Variants in VAV3 observed in about 807,000 individuals in gnomAD.
VAV3 encodes guanine nucleotide exchange factor VAV3.
VAV3 carries 94 observed loss-of-function variants against 131.2 expected under a neutral mutation model. That is an observed-to-expected ratio of 0.72 (90% confidence interval 0.61 to 0.85). VAV3 has a LOEUF of 0.85. VAV3 is among the 40% of genes least tolerant of loss of function. The pLI is 0.00. For synonymous variants in VAV3, 349 were observed against 342.0 expected, an observed-to-expected ratio of 1.02 and a Z score of -0.22; for missense variants, 939 against 1,002.7, an observed-to-expected ratio of 0.94 and a Z score of 0.86.
rs114339232 is a variant in VAV3, at chr1:107,610,118, T to C, written c.1981-153A>G. Among the ~76,000 whole-genome samples the C allele has an allele frequency of 5.0e-3, 758 of 152,308 alleles. 5 individuals carry two copies. The highest frequency in any genetic ancestry group is 0.018 in the African/African-American group (733 of 41,574). ...TGGTAATTTTATACAGAGTGAATCA[T>C]AGTATCTGTCAGATAAGTAGAAAAT... On this transcript the variant is annotated intron_variant, in intron 21 of 26. Transcript: ENST00000370056.
At chr1:107,736,004 C>A (rs1662601279) in intron 15 of VAV3, among the ~76,000 whole-genome samples, 1 of 152,156 alleles carries the variant, frequency 6.6e-6, no homozygotes, top group Non-Finnish European at 1.5e-5. Context: ...AAAAGCTTAT[C>A]CACCAAGATC....
intron 1 of VAV3, among the ~76,000 whole-genome samples, chr1:107,890,938 T>C (rs1171534322): frequency 6.6e-6 from 1 of 152,232 alleles, no homozygotes; most frequent in Non-Finnish European, 1.5e-5. Flanking sequence ...TTTACTCCTA[T>C]AAGGCAGATG....
intron 15 of VAV3, among the ~76,000 whole-genome samples, chr1:107,731,862 T>C (rs902945905): frequency 2.6e-5 from 4 of 152,232 alleles, no homozygotes; most frequent in African/African-American, 7.2e-5. Context: ...TTGACCATTA[T>C]GAAAAGGTAT....
At chr1:107,619,379 T>C (rs1653403012) in intron 20 of VAV3, among the ~76,000 whole-genome samples, 2 of 152,304 alleles carry the variant, frequency 1.3e-5, no homozygotes, top group Non-Finnish European at 2.9e-5. Context: ...TTGGGTGAAC[T>C]GTTTGTTTCA....
chr1:107,789,717 GCC>G (rs1246160819), intron 2 of VAV3, among the ~76,000 whole-genome samples: 12 of 152,160 alleles, frequency 7.9e-5, no homozygotes, highest in Admixed American at 2.6e-4. Flanking sequence ...TATTTTAAAA[GCC>G]ATGTTAGAAA....
intron 1 of VAV3, among the ~76,000 whole-genome samples, chr1:107,962,344 G>A (rs777293995): frequency 6.6e-6 from 1 of 152,164 alleles, no homozygotes; most frequent in South Asian, 2.1e-4. Context: ...AAAATGTCTA[G>A]GGTTATCAGC....
At chr1:107,668,705 G>C in intron 19 of VAV3, 1 of 985,438 alleles carries the variant, frequency 1.0e-6, no homozygotes, top group Non-Finnish European at 1.2e-6. Context: ...GGACAGTCTA[G>C]AGAGGAGGAA....
At chr1:107,952,443 T>A (rs1428210330) in intron 1 of VAV3, among the ~76,000 whole-genome samples, 1 of 140,722 alleles carries the variant, frequency 7.1e-6, no homozygotes, top group South Asian at 2.3e-4. Context: ...AACCTGCACA[T>A]GTGCCCCGAA....
chr1:107,751,869 C>T (rs1170920443), intron 12 of VAV3, among the ~76,000 whole-genome samples: 3 of 152,158 alleles, frequency 2.0e-5, no homozygotes. Context: ...CTGAAAATCA[C>T]TAACGTTCAG....
chr1:107,885,406 C>T (rs143985981), intron 1 of VAV3, among the ~76,000 whole-genome samples: 19 of 151,472 alleles, frequency 1.3e-4, no homozygotes, highest in African/African-American at 4.4e-4. Flanking sequence ...CTCACCACAA[C>T]TTATTTTAAA....
intron 20 of VAV3, among the ~76,000 whole-genome samples, chr1:107,636,931 G>A (rs1296575906): frequency 6.6e-6 from 1 of 151,974 alleles, no homozygotes; most frequent in African/African-American, 2.4e-5. Flanking sequence ...CTACCTTAAC[G>A]AACTAGCAAA....
At chr1:107,824,712 A>G (rs779416698) in intron 2 of VAV3, among the ~76,000 whole-genome samples, 1 of 152,196 alleles carries the variant, frequency 6.6e-6, no homozygotes, top group Non-Finnish European at 1.5e-5. Context: ...CAATATATTA[A>G]TTGTAAAAGG....
At chr1:107,930,682 T>C (rs1673390094) in intron 1 of VAV3, among the ~76,000 whole-genome samples, 1 of 152,206 alleles carries the variant, frequency 6.6e-6, no homozygotes, top group Admixed American at 6.5e-5. Context: ...AGGCAAAGAT[T>C]AATAATAAAT....
intron 1 of VAV3, among the ~76,000 whole-genome samples, chr1:107,957,641 C>A (rs1674880322): frequency 6.6e-6 from 1 of 151,806 alleles, no homozygotes; most frequent in South Asian, 2.1e-4. Flanking sequence ...AGCAAACAAA[C>A]AAACAAAAAC....
intron 1 of VAV3, among the ~76,000 whole-genome samples, chr1:107,902,043 C>CA (rs79561164): frequency 0.047 from 5,544 of 117,282 alleles, 115 homozygotes; most frequent in East Asian, 0.13. Context: ...AACTCCATCT[C>CA]AAAAAAAAAA....
chr1:107,826,946 A>G (rs1401876378), intron 2 of VAV3, among the ~76,000 whole-genome samples: 1 of 152,192 alleles, frequency 6.6e-6, no homozygotes, highest in Non-Finnish European at 1.5e-5. Flanking sequence ...TATTAAAAAG[A>G]TAATATTTTA....
chr1:107,665,279 T>C (rs928557811), intron 19 of VAV3, among the ~76,000 whole-genome samples: 2 of 152,204 alleles, frequency 1.3e-5, no homozygotes, highest in East Asian at 1.9e-4. Context: ...GAGTGGTTCA[T>C]GTCAGGCTGG....
At chr1:107,765,317 A>G in intron 8 of VAV3, 142 bp from the exon 9 acceptor site, 1 of 665,332 alleles carries the variant, frequency 1.5e-6, no homozygotes, top group African/African-American at 1.8e-5. Context: ...AATACATACC[A>G]CATACACAGT....
At chr1:107,911,626 T>C (rs1337658867) in intron 1 of VAV3, among the ~76,000 whole-genome samples, 1 of 152,174 alleles carries the variant, frequency 6.6e-6, no homozygotes, top group Non-Finnish European at 1.5e-5. Flanking sequence ...AAAGAAAAAA[T>C]GTTCTATGGG....
Sources: allele counts gnomAD v4.1 joint callset (sites outside exome capture counted in the v4.1 genomes callset), GRCh38; gene constraint gnomAD v4.1.1; transcripts MANE v1.5; gene names NCBI Gene and HGNC (gene_info 2026-07-23, HGNC 2026-07-21).